The following MARCHF6 variants were observed in gnomAD, a reference collection of about 807,000 sequenced individuals.
MARCHF6 encodes membrane associated ring-CH-type finger 6.
Under a neutral mutation model 133.7 loss-of-function variants are expected in MARCHF6, and 31 were observed. The ratio of observed to expected loss-of-function variants is 0.23; its 90% CI spans 0.17 to 0.31. The LOEUF (loss-of-function observed/expected upper bound fraction) is 0.31, where lower values mean the gene tolerates loss of function less well. MARCHF6 is among the 10% of genes least tolerant of loss of function. The pLI is 1.00. For missense variants in MARCHF6, 723 were observed against 1,121.6 expected, an observed-to-expected ratio of 0.64 and a Z score of 5.08; for synonymous variants, 395 against 402.5, an observed-to-expected ratio of 0.98 and a Z score of 0.22.
Position 10,397,361 on chromosome 5 carries a change from C to CTTTT in MARCHF6, c.913+25_913+28dup. Reference sequence around the variant, plus strand: ...TTGTTTTTGGTAAGTTGTGTTTGTGCTTTTTTTTTTTATAGTATTATGGTA... The same window carrying CTTTT: ...TTGTTTTTGGTAAGTTGTGTTTGTGCTTTTTTTTTTTTTTTATAGTATTATGGTA... On this transcript the variant is annotated intron_variant, in intron 10 of 25. Transcript: ENST00000274140. The CTTTT allele has an allele frequency of 1.6e-6, 2 of 1,236,590 alleles. No homozygotes were observed. Among genetic ancestry groups the CTTTT allele is most frequent in the Non-Finnish European group, 2.2e-6 (2 of 921,194 alleles). The allele number at this position is 1,236,590 out of a possible 1,614,324, so 76.6% of individuals were successfully genotyped here.
chr5:10,411,555 T>G lies in MARCHF6; in HGVS notation c.1896+18T>G. ...CACTCAGGGTAGGTGCTATACAGACTTAATCACATATAGAGGTTTTTTTGG... is the reference window on the plus strand; with the variant it reads ...CACTCAGGGTAGGTGCTATACAGACGTAATCACATATAGAGGTTTTTTTGG... On this transcript the variant is annotated intron_variant, in intron 19 of 25. Transcript: ENST00000274140. 1 of 1,587,944 alleles carries G rather than the reference T, an allele frequency of 6.3e-7. No individual in the cohort carries two copies. The highest frequency in any genetic ancestry group is 8.6e-7 in the Non-Finnish European group (1 of 1,169,168).
intron 24 of MARCHF6, among the ~76,000 whole-genome samples, chr5:10,428,033 C>T (rs1412645467): frequency 6.6e-6 from 1 of 152,098 alleles, no homozygotes; most frequent in Non-Finnish European, 1.5e-5. Flanking sequence ...ACACTCCAAT[C>T]TAGCCCAGGC....
At chr5:10,400,600 A>G (rs1005720350) in intron 10 of MARCHF6, among the ~76,000 whole-genome samples, 184 bp from the exon 11 acceptor site, 6 of 152,042 alleles carry the variant, frequency 3.9e-5, no homozygotes, top group Admixed American at 2.6e-4. Context: ...GCATGGCCCT[A>G]TTAGACCTTA....
intron 25 of MARCHF6, among the ~76,000 whole-genome samples, chr5:10,430,995 G>T (rs1179256731): frequency 6.6e-6 from 1 of 152,214 alleles, no homozygotes; most frequent in Non-Finnish European, 1.5e-5. Flanking sequence ...ATCCATCTCA[G>T]TCGGCCAAGA....
chr5:10,377,710 A>T, intron 1 of MARCHF6, 88 bp from the exon 2 acceptor site: 1 of 760,874 alleles, frequency 1.3e-6, no homozygotes, highest in Non-Finnish European at 2.3e-6. Flanking sequence ...TCTTGCTTTA[A>T]TGTCCAATAT....
At chr5:10,356,343 A>ATTTTATTTTATTTTAT (rs544284130) in intron 1 of MARCHF6, among the ~76,000 whole-genome samples, 5 of 101,448 alleles carry the variant, frequency 4.9e-5, no homozygotes, top group Admixed American at 3.3e-4. Context: ...TCTGTTTTTT[A>ATTTTATTTTATTTTAT]TTTATTTTAT....
intron 10 of MARCHF6, among the ~76,000 whole-genome samples, chr5:10,398,246 C>T (rs1319455833): frequency 6.6e-6 from 1 of 152,184 alleles, no homozygotes; most frequent in Admixed American, 6.5e-5. Flanking sequence ...GTTATTTGCT[C>T]TGTTGAGGAC....
intron 13 of MARCHF6, 36 bp from the exon 14 acceptor site, chr5:10,402,496 AT>A: frequency 6.2e-7 from 1 of 1,612,304 alleles, no homozygotes; most frequent in African/African-American, 1.3e-5. Flanking sequence ...TTTCTCCTAC[AT>A]TTGGGTGATA....
At chr5:10,407,026 G>C (rs993140464) in intron 16 of MARCHF6, 76 bp from the exon 17 acceptor site, 3 of 769,574 alleles carry the variant, frequency 3.9e-6, no homozygotes, top group Middle Eastern at 2.4e-4. Flanking sequence ...TTGCTTGAGT[G>C]TGCTCAGAAG....
At chr5:10,382,909 G>C (rs1737241347) in intron 4 of MARCHF6, among the ~76,000 whole-genome samples, 1 of 152,092 alleles carries the variant, frequency 6.6e-6, no homozygotes, top group Admixed American at 6.6e-5. Context: ...AGATATAGGA[G>C]GCTCTTTGGG....
chr5:10,376,709 C>T (rs1736803246), intron 1 of MARCHF6, among the ~76,000 whole-genome samples: 3 of 152,208 alleles, frequency 2.0e-5, no homozygotes, highest in Admixed American at 6.5e-5. Flanking sequence ...GCATGCACCC[C>T]ACTCACAGAA....
intron 22 of MARCHF6, among the ~76,000 whole-genome samples, chr5:10,422,784 C>G (rs1486804975): frequency 6.8e-6 from 1 of 147,216 alleles, no homozygotes; most frequent in Non-Finnish European, 1.5e-5. Flanking sequence ...TGAGCAAAGT[C>G]CATATGAAAA....
chr5:10,360,895 T>G (rs1735781312), intron 1 of MARCHF6, among the ~76,000 whole-genome samples: 1 of 152,250 alleles, frequency 6.6e-6, no homozygotes, highest in Non-Finnish European at 1.5e-5. Context: ...GCTATCCTCT[T>G]CCAGATGCCT....
intron 21 of MARCHF6, among the ~76,000 whole-genome samples, chr5:10,416,079 G>A (rs1046626254): frequency 3.3e-5 from 5 of 152,232 alleles, no homozygotes; most frequent in Admixed American, 3.3e-4. Context: ...TTATACACGT[G>A]CATGCACACA....
At chr5:10,426,655 T>A (rs1740103839) in intron 24 of MARCHF6, 133 bp downstream of exon 24, 2 of 969,106 alleles carry the variant, frequency 2.1e-6, no homozygotes, top group Non-Finnish European at 3.0e-6. Context: ...AGACAATGAT[T>A]TCAAAATACC....
At chr5:10,429,370 C>G (rs1012362344) in intron 24 of MARCHF6, among the ~76,000 whole-genome samples, 1 of 149,782 alleles carries the variant, frequency 6.7e-6, no homozygotes, top group African/African-American at 2.5e-5. Flanking sequence ...GCTTGTGGAA[C>G]ATGAGAAGTC....
chr5:10,380,598 G>A (rs1029526851), intron 3 of MARCHF6, among the ~76,000 whole-genome samples: 1 of 151,790 alleles, frequency 6.6e-6, no homozygotes, highest in African/African-American at 2.4e-5. Context: ...ATATCCTATC[G>A]AAGTCAATGA....
intron 24 of MARCHF6, among the ~76,000 whole-genome samples, chr5:10,428,189 A>G (rs182368106): frequency 5.8e-4 from 89 of 152,306 alleles, no homozygotes; most frequent in Middle Eastern, 3.4e-3. Context: ...TGCAAACTGC[A>G]TCATTTCCTG....
At chr5:10,415,801 T>A in intron 21 of MARCHF6, 132 bp downstream of exon 21, 2 of 737,252 alleles carry the variant, frequency 2.7e-6, no homozygotes, top group Middle Eastern at 8.0e-4. Context: ...TTTTTTGAAT[T>A]AGAAGAAATA....
Sources: allele counts gnomAD v4.1 joint callset (sites outside exome capture counted in the v4.1 genomes callset), GRCh38; gene constraint gnomAD v4.1.1; transcripts MANE v1.5; gene names NCBI Gene and HGNC (gene_info 2026-07-23, HGNC 2026-07-21).